Variants in NALF1 observed in about 807,000 individuals in gnomAD.
The protein encoded by NALF1 is NALCN channel auxiliary factor 1, also known as family with sequence similarity 155 member A.
A neutral mutation model predicts 48.4 loss-of-function variants in NALF1; 3 were observed. That is an observed-to-expected ratio of 0.06 (90% CI 0.03 to 0.16). The LOEUF is 0.16. Ranked by LOEUF, NALF1 falls within the 10% of genes least tolerant of loss-of-function variation. The pLI is 1.00. For missense variants in NALF1, 526 were observed against 571.5 expected (o/e 0.92, Z 0.81); for synonymous variants, 262 against 245.7 (o/e 1.07, Z -0.62).
rs140373161 is a variant in NALF1 at position 107,574,051 on chromosome 13, A to G, written c.915+291631T>C. Among the ~76,000 whole-genome samples, 120 of 152,254 alleles carry G rather than the reference A, an allele frequency of 7.9e-4. 2 individuals are homozygous for G. Among genetic ancestry groups the G allele is most frequent in the African/African-American group, 2.6e-3 (110 of 41,522 alleles). On this transcript the variant is annotated intron_variant, in intron 1 of 2. Transcript: ENST00000375915. ...TAGTAGAACATGAAAACAAAAAACA[A>G]TAAAGGTATATGGTATTTAGGTCCC... is the stretch of plus-strand genomic sequence containing the variant.
chr13:107,170,834 C>T lies in NALF1; in HGVS notation c.1088-48G>A, dbSNP rs1039605248. ...TGTCAGCAGGAAGGAAATACATTTG[C>T]GACATAGTAGAGTGAAGCTGTTGCT... On this transcript the variant is annotated intron_variant, in intron 2 of 2. Transcript: ENST00000375915. 5.1e-6 allele frequency: 8 copies of T among 1,555,748 alleles called. No individual in the cohort carries two copies. In the African/African-American group the frequency reaches 5.4e-5, roughly 11 times the overall value.
chr13:107,559,946 A>T (rs1465421740), intron 1 of NALF1, among the ~76,000 whole-genome samples: 1 of 152,132 alleles, frequency 6.6e-6, no homozygotes, highest in East Asian at 1.9e-4. Context: ...CTAAAGGGGG[A>T]TCCACCGGCC....
chr13:107,270,116 G>A (rs574995593), intron 1 of NALF1, among the ~76,000 whole-genome samples: 10 of 151,788 alleles, frequency 6.6e-5, no homozygotes, highest in Admixed American at 3.3e-4. Context: ...AATGATGCAG[G>A]ATTATTTGAA....
intron 1 of NALF1, among the ~76,000 whole-genome samples, chr13:107,644,535 A>C (rs1398119133): frequency 6.6e-6 from 1 of 151,046 alleles, no homozygotes; most frequent in Admixed American, 6.6e-5. Context: ...ACCACTCTCC[A>C]CTTGGCTACT....
chr13:107,705,238 C>T (rs1311898258), intron 1 of NALF1, among the ~76,000 whole-genome samples: 1 of 152,178 alleles, frequency 6.6e-6, no homozygotes, highest in Non-Finnish European at 1.5e-5. Context: ...ATACTATTAA[C>T]TTCTACATGT....
At chr13:107,245,798 G>T (rs922537069) in intron 1 of NALF1, among the ~76,000 whole-genome samples, 3 of 151,746 alleles carry the variant, frequency 2.0e-5, no homozygotes, top group Non-Finnish European at 4.4e-5. Flanking sequence ...ATTCACCATT[G>T]AAAGAGATTT....
intron 1 of NALF1, among the ~76,000 whole-genome samples, chr13:107,720,371 C>A (rs563503268): frequency 2.0e-5 from 3 of 152,034 alleles, no homozygotes; most frequent in African/African-American, 7.2e-5. Context: ...ATCAGCCAGG[C>A]GCGGTGGCGC....
chr13:107,516,457 G>A (rs1413148044), intron 1 of NALF1, among the ~76,000 whole-genome samples: 1 of 152,150 alleles, frequency 6.6e-6, no homozygotes. Context: ...CATGAAATGA[G>A]CAAAGGAATT....
Position 107,690,461 on chromosome 13 carries a change from G to A in NALF1, c.915+175221C>T, listed in dbSNP as rs117766366. 4.1e-4 allele frequency among the ~76,000 whole-genome samples: 63 copies of A among 152,236 alleles called. No individual in the cohort carries two copies. In the East Asian group the frequency reaches 0.011, roughly 26 times the overall value. On this transcript the variant is annotated intron_variant, in intron 1 of 2. Coordinates refer to ENST00000375915, the MANE Select transcript of NALF1 (RefSeq NM_001080396.3). The stretch of plus-strand genomic sequence containing the variant: ...GGACATCTGGAATGATAGATTTTAC[G>A]TTTGTTCAGAGAGTTAAAGTGGTTT...
chr13:107,482,656 G>A (rs960831093), intron 1 of NALF1, among the ~76,000 whole-genome samples: 1 of 152,138 alleles, frequency 6.6e-6, no homozygotes, highest in African/African-American at 2.4e-5. Flanking sequence ...TTCAGCAATA[G>A]CATGGGAAAT....
chr13:107,328,082 G>T (rs1187024406), intron 1 of NALF1, among the ~76,000 whole-genome samples: 1 of 151,914 alleles, frequency 6.6e-6, no homozygotes, highest in Non-Finnish European at 1.5e-5. Flanking sequence ...CACCATGCTA[G>T]ACTAATTTTT....
At chr13:107,268,192 G>GT (rs1038083465) in intron 1 of NALF1, among the ~76,000 whole-genome samples, 2 of 151,978 alleles carry the variant, frequency 1.3e-5, no homozygotes, top group African/African-American at 4.8e-5. Context: ...GTTTTACCAT[G>GT]TTGGCCAGGA....
At chr13:107,213,541 T>C (rs1021329561) in intron 1 of NALF1, among the ~76,000 whole-genome samples, 1 of 152,162 alleles carries the variant, frequency 6.6e-6, no homozygotes, top group Non-Finnish European at 1.5e-5. Context: ...GGGGAAACCA[T>C]GTGAGCTGAA....
intron 1 of NALF1, among the ~76,000 whole-genome samples, chr13:107,859,966 G>A (rs1356111815): frequency 2.8e-5 from 4 of 143,262 alleles, no homozygotes; most frequent in Admixed American, 2.1e-4. Context: ...TTACATTGAA[G>A]AAATTCCACT....
intron 1 of NALF1, among the ~76,000 whole-genome samples, chr13:107,762,443 A>T (rs186783284): frequency 4.1e-3 from 552 of 134,878 alleles, no homozygotes; most frequent in African/African-American, 8.5e-3. Context: ...AAATTAAATT[A>T]AAAAAAAGGA....
At chr13:107,268,390 A>G (rs1236743815) in intron 1 of NALF1, among the ~76,000 whole-genome samples, 1 of 151,830 alleles carries the variant, frequency 6.6e-6, no homozygotes. Flanking sequence ...TACTGTGCCC[A>G]AAGCTACCTA....
Position 107,764,038 on chromosome 13 carries a change from T to C in NALF1, c.915+101644A>G, listed in dbSNP as rs1237814588. 2.6e-5 allele frequency among the ~76,000 whole-genome samples: 4 copies of C among 152,206 alleles called. No individual in the cohort carries two copies. The East Asian group carries it at 7.7e-4, about 29-fold the overall frequency. On this transcript the variant is annotated intron_variant, in intron 1 of 2. Transcript: ENST00000375915. ...GGCCTCTGGGAAAGTCGACCAGGCA[T>C]AGAGGTATCAAAATACCAAGAAAAT... is the stretch of plus-strand genomic sequence containing the variant.
intron 1 of NALF1, among the ~76,000 whole-genome samples, chr13:107,725,880 A>C (rs116342138): frequency 0.015 from 2,277 of 152,178 alleles, 52 homozygotes; most frequent in African/African-American, 0.052. Flanking sequence ...ATTTTTTTTC[A>C]TATTGCCGAG....
At chr13:107,807,936 G>C (rs1183134179) in intron 1 of NALF1, among the ~76,000 whole-genome samples, 1 of 152,122 alleles carries the variant, frequency 6.6e-6, no homozygotes, top group Non-Finnish European at 1.5e-5. Flanking sequence ...AACAGACAGA[G>C]AGGAAGACTA....
Sources: allele counts gnomAD v4.1 joint callset (sites outside exome capture counted in the v4.1 genomes callset), GRCh38; gene constraint gnomAD v4.1.1; transcripts MANE v1.5; gene names NCBI Gene and HGNC (gene_info 2026-07-23, HGNC 2026-07-21).